The following FRAS1 variants were observed in gnomAD, a reference collection of about 807,000 sequenced individuals.
FRAS1 encodes extracellular matrix organizing protein FRAS1.
In FRAS1, 290 loss-of-function variants were observed where a neutral mutation model predicts 435.2. That is an observed-to-expected ratio of 0.67 (90% CI 0.61 to 0.73). FRAS1 has a LOEUF of 0.73. Ranked by LOEUF, FRAS1 falls within the 30% of genes least tolerant of loss-of-function variation. FRAS1 has a pLI of 0.00. For missense variants in FRAS1, 4,860 were observed against 5,001.5 expected (o/e 0.97, Z 0.85); for synonymous variants, 1,800 against 1,851.0 (o/e 0.97, Z 0.71).
At chr4:78,378,561 C>A (rs1195747107) in intron 26 of FRAS1, among the ~76,000 whole-genome samples, 1 of 152,136 alleles carries the variant, frequency 6.6e-6, no homozygotes, top group East Asian at 1.9e-4. Context: ...GTTTTGATTT[C>A]TCCACGACCT....
intron 67 of FRAS1, among the ~76,000 whole-genome samples, chr4:78,520,252 T>C (rs1412015173): frequency 8.8e-6 from 1 of 113,168 alleles, no homozygotes; most frequent in Non-Finnish European, 2.1e-5. Context: ...TTTTTGTTTT[T>C]CTTGTTTTTT....
chr4:78,197,818 G>A (rs1298349645), intron 2 of FRAS1, among the ~76,000 whole-genome samples: 2 of 152,026 alleles, frequency 1.3e-5, no homozygotes, highest in Admixed American at 1.3e-4. Context: ...GTGGGCGCCT[G>A]TAGTCCCAGC....
chr4:78,172,767 A>G (rs562917333), intron 2 of FRAS1, among the ~76,000 whole-genome samples: 1 of 151,308 alleles, frequency 6.6e-6, no homozygotes, highest in South Asian at 2.1e-4. Flanking sequence ...TTTTTTTTAC[A>G]TCACCTCTTT....
At chr4:78,492,450 T>C (rs1001770218) in intron 59 of FRAS1, among the ~76,000 whole-genome samples, 12 of 152,232 alleles carry the variant, frequency 7.9e-5, no homozygotes, top group African/African-American at 2.6e-4. Context: ...AAGAGATATA[T>C]AGACCAATGG....
intron 32 of FRAS1, among the ~76,000 whole-genome samples, chr4:78,416,998 A>G (rs951892413): frequency 1.3e-5 from 2 of 152,154 alleles, no homozygotes; most frequent in Admixed American, 6.5e-5. Context: ...CAGATATACT[A>G]TTTTTAAAGT....
rs750817664 is a variant in FRAS1, at chr4:78,464,124, A to G, written c.6867A>G (p.Thr2289=). Reference sequence around the variant, plus strand: ...AACATTCAGATGCCTTCAGCTTTACACTGTCTGATGGAGTCAGTGAGGTAG... The same window carrying G: ...AACATTCAGATGCCTTCAGCTTTACGCTGTCTGATGGAGTCAGTGAGGTAG... ...AEKHSDAFSF[T]LSDGVSEVTQ... The change falls in exon 48 of 74, where the codon ACA becomes ACG. Residue 2289 remains threonine, a synonymous_variant. Coordinates refer to ENST00000512123, the MANE Select transcript of FRAS1 (RefSeq NM_025074.7). 1.9e-6 allele frequency: 3 copies of G among 1,613,102 alleles called. No individual in the cohort carries two copies. The highest frequency in any genetic ancestry group is 4.5e-5 in the East Asian group (2 of 44,878).
At chr4:78,175,829 CCTT>C (rs1721746593) in intron 2 of FRAS1, among the ~76,000 whole-genome samples, 1 of 152,138 alleles carries the variant, frequency 6.6e-6, no homozygotes, top group African/African-American at 2.4e-5. Flanking sequence ...TTGGCCAAAT[CCTT>C]CTGGAAGCCT....
chr4:78,075,266 A>G (rs17002919), intron 2 of FRAS1, among the ~76,000 whole-genome samples: 19,253 of 152,108 alleles, frequency 0.13, 1,286 homozygotes, highest in Middle Eastern at 0.19. Flanking sequence ...GAGGTGCTGC[A>G]ACCATTAGAA....
At chr4:78,214,329 G>A (rs1315457233) in intron 2 of FRAS1, among the ~76,000 whole-genome samples, 1 of 152,164 alleles carries the variant, frequency 6.6e-6, no homozygotes, top group Non-Finnish European at 1.5e-5. Context: ...TTATCAACAA[G>A]CCTGTCATAA....
chr4:78,161,587 T>C (rs561821136), intron 2 of FRAS1, among the ~76,000 whole-genome samples: 2 of 151,770 alleles, frequency 1.3e-5, no homozygotes, highest in East Asian at 1.9e-4. Flanking sequence ...TGTTATCTAC[T>C]TTATTACATC....
intron 2 of FRAS1, among the ~76,000 whole-genome samples, chr4:78,095,553 G>GAAGA (rs994746091): frequency 2.0e-5 from 3 of 152,292 alleles, no homozygotes; most frequent in African/African-American, 7.2e-5. Flanking sequence ...CCGAGACTGG[G>GAAGA]AAGAAAAAGA....
intron 2 of FRAS1, among the ~76,000 whole-genome samples, chr4:78,183,632 A>G (rs1159524015): frequency 6.6e-6 from 1 of 152,178 alleles, no homozygotes; most frequent in East Asian, 1.9e-4. Flanking sequence ...CAACTGGGCT[A>G]AAGAAGTGCA....
At chr4:78,330,835 C>T (rs1210671235) in intron 18 of FRAS1, among the ~76,000 whole-genome samples, 1 of 152,218 alleles carries the variant, frequency 6.6e-6, no homozygotes, top group Non-Finnish European at 1.5e-5. Context: ...TGTGACCTCG[C>T]CCTGCCTCCA....
In FRAS1 at chr4:78,174,145, G is replaced by A. The variant is rs1330436591; in HGVS notation, c.109-63365G>A. On this transcript the variant is annotated intron_variant, in intron 2 of 73. Transcript: ENST00000512123. ...TCTCTGATGCTTTGACTCTCTGAAT[G>A]AGCCTCATGTTTCCCAGGAGCTCTC... Among the ~76,000 whole-genome samples the A allele has an allele frequency of 2.0e-5, 3 of 152,142 alleles. No homozygotes were observed. In the East Asian group the frequency reaches 5.8e-4, roughly 29 times the overall value.
intron 71 of FRAS1, among the ~76,000 whole-genome samples, chr4:78,536,771 G>C (rs72873310): frequency 0.15 from 22,962 of 151,824 alleles, 1,975 homozygotes; most frequent in Non-Finnish European, 0.21. Flanking sequence ...AAAAAAGAAG[G>C]CATAAATGTT....
intron 2 of FRAS1, chr4:78,182,060 C>T (rs1578171218): frequency 3.3e-6 from 5 of 1,505,896 alleles, no homozygotes; most frequent in African/African-American, 1.4e-5. Flanking sequence ...GGTGGCTCGG[C>T]GGCGGGTTCC....
At chr4:78,203,619 T>C (rs2110078158) in intron 2 of FRAS1, among the ~76,000 whole-genome samples, 1 of 152,264 alleles carries the variant, frequency 6.6e-6, no homozygotes, top group Middle Eastern at 3.4e-3. Flanking sequence ...CAAGCTGGAG[T>C]GCAATGGTGT....
intron 20 of FRAS1, among the ~76,000 whole-genome samples, chr4:78,346,576 C>T (rs1171488100): frequency 6.6e-6 from 1 of 152,034 alleles, no homozygotes; most frequent in Non-Finnish European, 1.5e-5. Context: ...ATTTTATTCA[C>T]TTCCTTTTGA....
In FRAS1 at chr4:78,540,605, C is replaced by T; in HGVS notation, c.11520C>T (p.Val3840=). 1 of 1,553,478 alleles carries T rather than the reference C, an allele frequency of 6.4e-7. No individual in the cohort carries two copies. The highest frequency in any genetic ancestry group is 8.7e-7 in the Non-Finnish European group (1 of 1,149,772). The part of the protein sequence containing the change: ...IGPDTISGPR[V]QRSLTAPLRR... ...CTGACACCATCTCAGGGCCCCGGGT[C>T]CAGCGCTCTCTCACAGCTCCACTCA... Residue 3840 remains valine (V), a synonymous_variant, in exon 74 of 74, where the codon GTC becomes GTT. Coordinates refer to ENST00000512123, the MANE Select transcript of FRAS1 (RefSeq NM_025074.7).
Sources: allele counts gnomAD v4.1 joint callset (sites outside exome capture counted in the v4.1 genomes callset), GRCh38; gene constraint gnomAD v4.1.1; transcripts MANE v1.5; gene names NCBI Gene and HGNC (gene_info 2026-07-23, HGNC 2026-07-21).